The following TMTC2 variants were observed in gnomAD, a reference collection of about 807,000 sequenced individuals.
TMTC2 encodes the protein protein O-mannosyl-transferase TMTC2.
Under a neutral mutation model 82.4 loss-of-function variants are expected in TMTC2, and 43 were observed. That is an observed-to-expected ratio of 0.52 (90% CI 0.41 to 0.67). The LOEUF (loss-of-function observed/expected upper bound fraction) is 0.67, where lower values mean the gene tolerates loss of function less well. TMTC2 is among the 30% of genes least tolerant of loss of function. TMTC2 has a pLI of 0.00. For synonymous variants in TMTC2, 408 were observed against 381.9 expected (o/e 1.07, Z -0.80); for missense variants, 919 against 1,012.4 (o/e 0.91, Z 1.25).
At chr12:82,814,353 G>T (rs559789868) in intron 1 of TMTC2, among the ~76,000 whole-genome samples, 26 of 152,258 alleles carry the variant, frequency 1.7e-4, no homozygotes, top group Middle Eastern at 6.8e-3. Context: ...AGATGGAAAA[G>T]AACAAAGCTC....
rs536235168 is a variant in TMTC2, at chr12:82,819,961, G to T, written c.84-37049G>T. Among the ~76,000 whole-genome samples, 5 of 152,294 alleles carry T rather than the reference G, an allele frequency of 3.3e-5. No individual in the cohort carries two copies. In the East Asian group the frequency reaches 9.7e-4, roughly 29 times the overall value. ...CATCTGCAAACTGAGGAGCAAGGAA[G>T]CTAGTCCAAGTCCCAAAACTTCAAA... is the stretch of plus-strand genomic sequence containing the variant. On this transcript the variant is annotated intron_variant, in intron 1 of 11. Transcript: ENST00000321196.
intron 8 of TMTC2, among the ~76,000 whole-genome samples, chr12:83,019,306 T>C (rs892484226): frequency 2.0e-5 from 3 of 152,196 alleles, no homozygotes; most frequent in Non-Finnish European, 4.4e-5. Flanking sequence ...GGCAGTTGTC[T>C]GTAATTGTTC....
intron 11 of TMTC2, among the ~76,000 whole-genome samples, chr12:83,076,421 C>G (rs1263914737): frequency 6.6e-6 from 1 of 152,164 alleles, no homozygotes; most frequent in Non-Finnish European, 1.5e-5. Context: ...GTGGGGGTAT[C>G]TTTTGCATGG....
chr12:82,904,332 C>G (rs556726647), intron 3 of TMTC2, among the ~76,000 whole-genome samples: 2 of 152,250 alleles, frequency 1.3e-5, no homozygotes, highest in South Asian at 4.1e-4. Context: ...TTTTAAGCCT[C>G]ATGAAACAGT....
intron 9 of TMTC2, among the ~76,000 whole-genome samples, chr12:83,046,031 G>A (rs1367484611): frequency 6.6e-6 from 1 of 152,072 alleles, no homozygotes; most frequent in Non-Finnish European, 1.5e-5. Flanking sequence ...TCTCCCAAGT[G>A]TACTTTCCTG....
chr12:82,864,562 C>A (rs1283481923), intron 2 of TMTC2, among the ~76,000 whole-genome samples: 2 of 136,530 alleles, frequency 1.5e-5, no homozygotes, highest in Non-Finnish European at 3.0e-5. Context: ...AGTGCAGTGG[C>A]GCAATCTTGG....
intron 8 of TMTC2, among the ~76,000 whole-genome samples, chr12:83,017,178 G>A (rs1304178851): frequency 3.3e-5 from 5 of 152,170 alleles, no homozygotes; most frequent in Non-Finnish European, 5.9e-5. Context: ...GTCACAGTAA[G>A]ACCTCACTGA....
intron 1 of TMTC2, among the ~76,000 whole-genome samples, chr12:82,804,665 T>G (rs1488213046): frequency 6.6e-6 from 1 of 152,130 alleles, no homozygotes; most frequent in East Asian, 1.9e-4. Flanking sequence ...AATTTAAAAT[T>G]GACATGTCAG....
At chr12:83,085,835 T>A (rs147772276) in intron 11 of TMTC2, among the ~76,000 whole-genome samples, 1 of 152,202 alleles carries the variant, frequency 6.6e-6, no homozygotes, top group African/African-American at 2.4e-5. Flanking sequence ...GCTAATAAAT[T>A]TCCTACCACA....
intron 1 of TMTC2, among the ~76,000 whole-genome samples, chr12:82,828,754 C>T (rs928700122): frequency 6.6e-6 from 1 of 152,038 alleles, no homozygotes; most frequent in African/African-American, 2.4e-5. Flanking sequence ...TAAATTGGGT[C>T]ATGCACAGCA....
intron 4 of TMTC2, among the ~76,000 whole-genome samples, chr12:82,950,818 A>G (rs564691437): frequency 6.6e-6 from 1 of 152,358 alleles, no homozygotes; most frequent in South Asian, 2.1e-4. Context: ...TTATTTTCAA[A>G]AGCTGCAACT....
chr12:82,816,142 A>G (rs1317871844), intron 1 of TMTC2, among the ~76,000 whole-genome samples: 1 of 147,188 alleles, frequency 6.8e-6, no homozygotes, highest in Non-Finnish European at 1.5e-5. Flanking sequence ...CGAATGTGCT[A>G]TCTTTTTTTT....
chr12:82,758,411 A>C (rs988513859), intron 1 of TMTC2: 1 of 152,134 alleles, frequency 6.6e-6, no homozygotes, highest in African/African-American at 2.4e-5. Context: ...AATATGACTC[A>C]CAATATCAAA....
intron 2 of TMTC2, among the ~76,000 whole-genome samples, chr12:82,883,840 G>A (rs1052801257): frequency 6.6e-6 from 1 of 152,132 alleles, no homozygotes; most frequent in African/African-American, 2.4e-5. Context: ...AAAAAACAAA[G>A]TGTTTTCATA....
At chr12:82,830,428 T>C (rs77265821) in intron 1 of TMTC2, among the ~76,000 whole-genome samples, 1,818 of 152,148 alleles carry the variant, frequency 0.012, 36 homozygotes, top group African/African-American at 0.042. Flanking sequence ...GTGAGAATAG[T>C]TTATTGGTGA....
intron 11 of TMTC2, among the ~76,000 whole-genome samples, chr12:83,117,549 T>C (rs903526659): frequency 6.6e-5 from 10 of 152,214 alleles, no homozygotes; most frequent in Non-Finnish European, 1.3e-4. Context: ...ACTATTTTGG[T>C]GACTATGGCC....
At chr12:82,726,900 A>AG (rs1444731833) in intron 1 of TMTC2, among the ~76,000 whole-genome samples, 1 of 150,506 alleles carries the variant, frequency 6.6e-6, no homozygotes, top group African/African-American at 2.4e-5. Flanking sequence ...AAAAAAAAAA[A>AG]GGAAAGTAGC....
intron 7 of TMTC2, among the ~76,000 whole-genome samples, chr12:82,973,356 C>T (rs1412754469): frequency 1.3e-5 from 2 of 152,038 alleles, no homozygotes; most frequent in Non-Finnish European, 2.9e-5. Context: ...AAGGATACAA[C>T]CAGGAGACCA....
chr12:83,108,490 C>T (rs1437337747), intron 11 of TMTC2, among the ~76,000 whole-genome samples: 4 of 152,024 alleles, frequency 2.6e-5, no homozygotes, highest in Admixed American at 6.5e-5. Flanking sequence ...ATTAGTTGGG[C>T]GTGGTGGCAC....
Sources: gnomAD v4.1 joint callset for allele counts (sites outside exome capture counted in the v4.1 genomes callset) on GRCh38, gnomAD v4.1.1 for gene constraint, MANE v1.5 for transcripts, NCBI Gene and HGNC (gene_info 2026-07-23, HGNC 2026-07-21) for gene names.